Variants in ANO4 observed in about 807,000 individuals in gnomAD.
ANO4 encodes anoctamin 4.
Under a neutral mutation model 141.9 loss-of-function variants are expected in ANO4, and 69 were observed. The ratio of observed to expected loss-of-function variants is 0.49; its 90% CI spans 0.40 to 0.59. The LOEUF is 0.59. Ranked by LOEUF, ANO4 falls within the 20% of genes least tolerant of loss-of-function variation. The probability of loss-of-function intolerance (pLI) is 0.00; values close to 1 mark genes in which losing one functional copy is unlikely to be tolerated. For synonymous variants in ANO4, 350 were observed against 394.3 expected, an observed-to-expected ratio of 0.89 and a Z score of 1.33; for missense variants, 894 against 1,162.2, an observed-to-expected ratio of 0.77 and a Z score of 3.36.
Position 100,750,103 on chromosome 12 carries a change from G to T in ANO4, c.358+9998G>T, listed in dbSNP as rs547679744. Among the ~76,000 whole-genome samples, 4 of 152,016 alleles carry T rather than the reference G, an allele frequency of 2.6e-5. No homozygotes were observed. The South Asian group carries it at 8.3e-4, about 32-fold the overall frequency. Reference sequence around the variant, plus strand: ...ATCCAGTAGGTCTGGGCAAGGGGTAGTGAGATTCTGCATTTCTTTTTTTTT... The same window carrying T: ...ATCCAGTAGGTCTGGGCAAGGGGTATTGAGATTCTGCATTTCTTTTTTTTT... On this transcript the variant is annotated intron_variant, in intron 3 of 29. Transcript: ENST00000644049.
chr12:101,048,617 A>G (rs1277879555), intron 14 of ANO4, among the ~76,000 whole-genome samples: 3 of 152,212 alleles, frequency 2.0e-5, no homozygotes, highest in African/African-American at 7.2e-5. Context: ...CAACAATGTC[A>G]TTAGCACTCT....
intron 2 of ANO4, chr12:100,739,774 A>G: frequency 1.5e-6 from 1 of 671,862 alleles, no homozygotes; most frequent in South Asian, 1.6e-5. Flanking sequence ...ACTAACAGCT[A>G]AGATTTTGGG....
chr12:100,936,660 G>C (rs986160933), intron 3 of ANO4, among the ~76,000 whole-genome samples: 1 of 151,958 alleles, frequency 6.6e-6, no homozygotes, highest in Non-Finnish European at 1.5e-5. Context: ...CTCACACCCC[G>C]TCCTAAACCA....
chr12:100,892,672 T>G (rs976150576), intron 1 of ANO4, among the ~76,000 whole-genome samples: 5 of 152,238 alleles, frequency 3.3e-5, no homozygotes, highest in South Asian at 4.1e-4. Context: ...TTCCATATAC[T>G]TTAAATAATC....
At chr12:100,887,623 T>A (rs2039901557) in intron 1 of ANO4, among the ~76,000 whole-genome samples, 1 of 152,186 alleles carries the variant, frequency 6.6e-6, no homozygotes, top group South Asian at 2.1e-4. Context: ...GGGGAATGCC[T>A]CTGTCAGACA....
chr12:101,024,613 T>C (rs771374174), intron 9 of ANO4, among the ~76,000 whole-genome samples: 33 of 151,442 alleles, frequency 2.2e-4, no homozygotes, highest in Non-Finnish European at 4.9e-4. Flanking sequence ...AAAAAAGTTA[T>C]CATGTGAGTC....
At chr12:100,790,746 G>T (rs1205190509), upstream of ANO4, among the ~76,000 whole-genome samples, 1 of 152,148 alleles carries the variant, frequency 6.6e-6, no homozygotes, top group Non-Finnish European at 1.5e-5. Flanking sequence ...AAGGAATGCT[G>T]ACTGTGCAAA....
At chr12:100,980,145 A>T (rs1226126157) in intron 7 of ANO4, among the ~76,000 whole-genome samples, 1 of 152,194 alleles carries the variant, frequency 6.6e-6, no homozygotes, top group African/African-American at 2.4e-5. Context: ...CTACAGAAGA[A>T]TTTAGGCATT....
At chr12:100,950,772 C>G (rs1455972564) in intron 5 of ANO4, among the ~76,000 whole-genome samples, 1 of 152,164 alleles carries the variant, frequency 6.6e-6, no homozygotes, top group Non-Finnish European at 1.5e-5. Context: ...GAGGTAGGCA[C>G]TGTCCGTTTG....
At chr12:101,004,268 G>T (rs1201134671) in intron 8 of ANO4, among the ~76,000 whole-genome samples, 2 of 152,164 alleles carry the variant, frequency 1.3e-5, no homozygotes, top group Admixed American at 1.3e-4. Context: ...AGAGGTTGGG[G>T]TTATCGGAAC....
chr12:100,825,327 G>C (rs961867642), intron 1 of ANO4, among the ~76,000 whole-genome samples: 5 of 151,992 alleles, frequency 3.3e-5, no homozygotes, highest in African/African-American at 9.7e-5. Context: ...GGGCCTCGCT[G>C]TGCTAGATTC....
At chr12:100,762,153 T>C (rs1217326587) in intron 3 of ANO4, among the ~76,000 whole-genome samples, 1 of 152,194 alleles carries the variant, frequency 6.6e-6, no homozygotes, top group Non-Finnish European at 1.5e-5. Flanking sequence ...TTTTATAAGG[T>C]GCTGGAGGCT....
chr12:100,961,413 G>A (rs899359996), intron 5 of ANO4, among the ~76,000 whole-genome samples: 4 of 152,188 alleles, frequency 2.6e-5, no homozygotes, highest in African/African-American at 9.7e-5. Flanking sequence ...GAAGTGTTAT[G>A]TATCCTTATG....
chr12:101,115,593 T>G (rs1178987430), intron 24 of ANO4, among the ~76,000 whole-genome samples: 1 of 152,196 alleles, frequency 6.6e-6, no homozygotes, highest in Non-Finnish European at 1.5e-5. Context: ...ACAGGATGTA[T>G]CTAAGTGCTA....
At chr12:100,996,805 C>T (rs1472296072) in intron 8 of ANO4, among the ~76,000 whole-genome samples, 1 of 152,170 alleles carries the variant, frequency 6.6e-6, no homozygotes, top group Non-Finnish European at 1.5e-5. Context: ...TGACTGTTCT[C>T]AGCAGAAAAG....
intron 1 of ANO4, among the ~76,000 whole-genome samples, chr12:100,730,786 G>A (rs1401228157): frequency 6.6e-6 from 1 of 152,136 alleles, no homozygotes; most frequent in Non-Finnish European, 1.5e-5. Context: ...TAGGGAAAGA[G>A]TTGGCCACAT....
intron 3 of ANO4, among the ~76,000 whole-genome samples, chr12:100,923,810 CT>C (rs1423370320): frequency 6.6e-6 from 1 of 152,132 alleles, no homozygotes; most frequent in Non-Finnish European, 1.5e-5. Context: ...TGTTTCCTGG[CT>C]TTTTAATGAT....
intron 9 of ANO4, among the ~76,000 whole-genome samples, chr12:101,025,188 A>G (rs2046682902): frequency 6.6e-6 from 1 of 152,276 alleles, no homozygotes. Context: ...AAAAACAGAC[A>G]AAATGTATGA....
intron 3 of ANO4, among the ~76,000 whole-genome samples, chr12:100,775,246 C>A (rs2033458888): frequency 6.6e-6 from 1 of 152,102 alleles, no homozygotes; most frequent in African/African-American, 2.4e-5. Flanking sequence ...TTTTCATCCC[C>A]AAAGGAGGTT....
Sources: allele counts gnomAD v4.1 joint callset (sites outside exome capture counted in the v4.1 genomes callset), GRCh38; gene constraint gnomAD v4.1.1; transcripts MANE v1.5; gene names NCBI Gene and HGNC (gene_info 2026-07-23, HGNC 2026-07-21).